TAGLN3: variants seen among roughly 807,000 people sequenced by gnomAD.
TAGLN3 encodes transgelin-3.
TAGLN3 carries 12 observed loss-of-function variants against 25.4 expected under a neutral mutation model. That is an observed-to-expected ratio of 0.47 (90% CI 0.30 to 0.77). The LOEUF (loss-of-function observed/expected upper bound fraction) is 0.77. TAGLN3 is among the 30% of genes least tolerant of loss of function. TAGLN3 has a pLI of 0.06. For synonymous variants in TAGLN3, 96 were observed against 94.8 expected (o/e 1.01, Z -0.08); for missense variants, 218 against 255.8 (o/e 0.85, Z 1.01).
chr3:112,002,455 C>G (rs189085922), intron 3 of TAGLN3, among the ~76,000 whole-genome samples: 17 of 152,216 alleles, frequency 1.1e-4, no homozygotes, highest in Admixed American at 4.6e-4. Flanking sequence ...AGTCTGCCAA[C>G]CCATTCTTGA....
intron 3 of TAGLN3, among the ~76,000 whole-genome samples, chr3:112,006,966 G>A (rs1290408639): frequency 2.6e-5 from 4 of 152,218 alleles, no homozygotes; most frequent in African/African-American, 9.6e-5. Flanking sequence ...TTGTGACAAT[G>A]TAGGAAATAG....
At chr3:112,000,400 C>G (rs1407744455) in intron 2 of TAGLN3, 2 of 173,800 alleles carry the variant, frequency 1.2e-5, no homozygotes, top group East Asian at 3.1e-4. Context: ...CTCTGCCAAC[C>G]TCAGGAGCCA....
At chr3:112,010,977 G>A (rs1202225534) in intron 3 of TAGLN3, among the ~76,000 whole-genome samples, 1 of 152,146 alleles carries the variant, frequency 6.6e-6, no homozygotes, top group African/African-American at 2.4e-5. Flanking sequence ...CTTAATATTT[G>A]CCCTTAACTT....
chr3:112,000,355 G>C (rs996882204), intron 2 of TAGLN3, among the ~76,000 whole-genome samples: 1 of 152,164 alleles, frequency 6.6e-6, no homozygotes, highest in Admixed American at 6.5e-5. Flanking sequence ...TTTGCCTTTT[G>C]ATAGAAGAAA....
At chr3:112,005,091 G>A (rs10934128) in intron 3 of TAGLN3, among the ~76,000 whole-genome samples, 87,198 of 151,922 alleles carry the variant, frequency 0.57, 28,667 homozygotes, top group Non-Finnish European at 0.75. Flanking sequence ...GGAGTCAGGT[G>A]GATGGGTTCA....
At chr3:112,005,332 G>A (rs146178995) in intron 3 of TAGLN3, among the ~76,000 whole-genome samples, 1 of 152,226 alleles carries the variant, frequency 6.6e-6, no homozygotes, top group East Asian at 1.9e-4. Flanking sequence ...TGGTTCATTT[G>A]TATAACCACT....
intron 3 of TAGLN3, among the ~76,000 whole-genome samples, chr3:112,001,723 C>G (rs1202088718): frequency 6.6e-6 from 1 of 152,204 alleles, no homozygotes; most frequent in East Asian, 1.9e-4. Context: ...GCAGGACTGT[C>G]AGATTGACTC....
intron 2 of TAGLN3, among the ~76,000 whole-genome samples, chr3:112,000,365 A>G (rs1576075553): frequency 6.6e-6 from 1 of 152,230 alleles, no homozygotes; most frequent in African/African-American, 2.4e-5. Context: ...GATAGAAGAA[A>G]TAATATTAGA....
At chr3:111,999,164 G>A (rs1243207178) in intron 1 of TAGLN3, 50 bp downstream of exon 1, 2 of 387,468 alleles carry the variant, frequency 5.2e-6, no homozygotes, top group Non-Finnish European at 9.5e-6. Context: ...GGATAGGGAG[G>A]GGGATTCCAG....
intron 3 of TAGLN3, among the ~76,000 whole-genome samples, chr3:112,002,310 G>A (rs757262913): frequency 1.2e-4 from 18 of 152,208 alleles, no homozygotes; most frequent in Non-Finnish European, 2.5e-4. Context: ...ACAATCCTAT[G>A]AGGTAAATGT....
intron 3 of TAGLN3, among the ~76,000 whole-genome samples, chr3:112,005,910 G>A (rs986479354): frequency 3.3e-5 from 5 of 151,200 alleles, no homozygotes; most frequent in Admixed American, 3.3e-4. Context: ...CACTGAGTTA[G>A]CCAGGATGGT....
intron 2 of TAGLN3, 133 bp from the exon 3 acceptor site, chr3:112,000,639 C>G (rs941157336): frequency 1.1e-6 from 1 of 941,380 alleles, no homozygotes; most frequent in African/African-American, 1.6e-5. Flanking sequence ...AGAGCCCGTG[C>G]CTTCCTAGGG....
intron 3 of TAGLN3, among the ~76,000 whole-genome samples, chr3:112,001,147 C>T (rs1428603959): frequency 6.6e-6 from 1 of 152,190 alleles, no homozygotes; most frequent in Non-Finnish European, 1.5e-5. Flanking sequence ...GGAACACACA[C>T]CCTGAGGACA....
In TAGLN3 at chr3:112,005,693, C is replaced by CTTT. The variant is rs1165368614; in HGVS notation, c.355+4753_355+4755dup. On this transcript the variant is annotated intron_variant, in intron 3 of 4. Transcript: ENST00000478951. ...TGTCTGCTGCTCGAAGCCTAATTTT[C>CTTT]TTTTTTTTCTTTTTTTTTTTTTTTG... is the stretch of plus-strand genomic sequence containing the variant. Among the ~76,000 whole-genome samples, 61 of 79,932 alleles carry CTTT rather than the reference C, an allele frequency of 7.6e-4. 11 individuals are homozygous for CTTT. The highest frequency in any genetic ancestry group is 1.8e-3 in the African/African-American group (40 of 22,216). 52.4% of individuals were successfully genotyped at this position (79,932 alleles called of 152,430 possible).
chr3:111,999,688 G>T, intron 2 of TAGLN3, 86 bp downstream of exon 2: 1 of 1,514,402 alleles, frequency 6.6e-7, no homozygotes, highest in Non-Finnish European at 8.9e-7. Context: ...GCTGCGGGAA[G>T]AGCTGCTGTT....
intron 3 of TAGLN3, among the ~76,000 whole-genome samples, chr3:112,005,073 T>C (rs1425180677): frequency 2.6e-5 from 4 of 152,172 alleles, no homozygotes; most frequent in Admixed American, 1.3e-4. Flanking sequence ...GGAAAGAGCA[T>C]GAGTTTTGGA....
At chr3:112,012,077 C>T (rs768784144) in intron 4 of TAGLN3, among the ~76,000 whole-genome samples, 1 of 152,200 alleles carries the variant, frequency 6.6e-6, no homozygotes, top group Non-Finnish European at 1.5e-5. Context: ...CCTTTTCTAC[C>T]AGATACCTCC....
chr3:111,999,208 T>G, intron 1 of TAGLN3, 94 bp downstream of exon 1: 2 of 524,204 alleles, frequency 3.8e-6, no homozygotes, highest in East Asian at 3.3e-5. Context: ...TATTCTAGAG[T>G]TACTGGCGGG....
At chr3:112,010,270 G>T (rs2072961827) in intron 3 of TAGLN3, among the ~76,000 whole-genome samples, 1 of 152,062 alleles carries the variant, frequency 6.6e-6, no homozygotes, top group Non-Finnish European at 1.5e-5. Context: ...TATCAGAATA[G>T]CTCTTTCCAA....
Sources: gnomAD v4.1 joint callset for allele counts (sites outside exome capture counted in the v4.1 genomes callset) on GRCh38, gnomAD v4.1.1 for gene constraint, MANE v1.5 for transcripts, NCBI Gene and HGNC (gene_info 2026-07-23, HGNC 2026-07-21) for gene names.